The following HPSE2 variants were observed in gnomAD, a reference collection of about 807,000 sequenced individuals.
The protein encoded by HPSE2 is heparanase 2 (inactive).
In HPSE2, 38 loss-of-function variants were observed where a neutral mutation model predicts 60.5. The ratio of observed to expected loss-of-function variants is 0.63; its 90% CI spans 0.48 to 0.82. HPSE2 has a LOEUF of 0.82. Among genes scored for constraint, HPSE2 ranks in the 40% least tolerant of loss-of-function variants. The pLI is 0.00. For synonymous variants in HPSE2, 295 were observed against 293.2 expected, an observed-to-expected ratio of 1.01 and a Z score of -0.06; for missense variants, 713 against 740.4, an observed-to-expected ratio of 0.96 and a Z score of 0.43.
chr10:98,813,925 C>G (rs1951225351), intron 3 of HPSE2, among the ~76,000 whole-genome samples: 2 of 152,124 alleles, frequency 1.3e-5, no homozygotes, highest in South Asian at 4.1e-4. Context: ...AAAGAGACGA[C>G]TAATATGTAT....
At chr10:99,132,191 A>AAGAAAGAAAGAGAGAGAGAGAG (rs1845434293) in intron 3 of HPSE2, among the ~76,000 whole-genome samples, 1 of 71,876 alleles carries the variant, frequency 1.4e-5, no homozygotes, top group Non-Finnish European at 2.6e-5. Context: ...GAAAGAAAGA[A>AAGAAAGAAAGAGAGAGAGAGAG]AGAGAGAGAG....
chr10:98,466,864 A>T (rs1355912693), intron 11 of HPSE2, among the ~76,000 whole-genome samples: 1 of 152,176 alleles, frequency 6.6e-6, no homozygotes, highest in Non-Finnish European at 1.5e-5. Context: ...ACCTGTCTAA[A>T]TATTCAGTGG....
At chr10:99,314,493 G>GT in the HPSE2 span, among the ~76,000 whole-genome samples, 2 of 152,178 alleles carry the variant, frequency 1.3e-5, no homozygotes, top group South Asian at 2.1e-4. Flanking sequence ...TATGTCCACT[G>GT]TTTTTTTAAG....
intron 4 of HPSE2, among the ~76,000 whole-genome samples, chr10:98,734,888 T>TACACACACAC (rs140139802): frequency 3.0e-4 from 44 of 148,228 alleles, no homozygotes; most frequent in African/African-American, 6.5e-4. Flanking sequence ...ATTTGTCCCT[T>TACACACACAC]ACACACACAC....
intron 3 of HPSE2, among the ~76,000 whole-genome samples, chr10:99,120,136 C>T (rs1019340814): frequency 6.6e-6 from 1 of 152,088 alleles, no homozygotes; most frequent in African/African-American, 2.4e-5. Flanking sequence ...ACAGAAGAAA[C>T]TATTAACAGA....
chr10:98,803,823 A>G (rs1382969032), intron 3 of HPSE2, among the ~76,000 whole-genome samples: 2 of 151,644 alleles, frequency 1.3e-5, no homozygotes, highest in Non-Finnish European at 2.9e-5. Context: ...TTGGTTCCAT[A>G]TGAACTTTAA....
At chr10:99,055,791 T>C (rs1033494440) in intron 3 of HPSE2, among the ~76,000 whole-genome samples, 3 of 152,210 alleles carry the variant, frequency 2.0e-5, no homozygotes, top group East Asian at 3.9e-4. Context: ...AATAACATAA[T>C]GTATCAAAAT....
intron 3 of HPSE2, among the ~76,000 whole-genome samples, chr10:99,021,893 T>A (rs117147630): frequency 0.018 from 2,730 of 151,678 alleles, 103 homozygotes; most frequent in East Asian, 0.15. Flanking sequence ...TACCTGTTTT[T>A]TTATTATTAT....
At chr10:98,759,504 A>AGT (rs895344725) in intron 3 of HPSE2, among the ~76,000 whole-genome samples, 12 of 152,172 alleles carry the variant, frequency 7.9e-5, no homozygotes, top group South Asian at 4.1e-4. Flanking sequence ...TTCATTCCTC[A>AGT]GTGTGTGTAT....
At chr10:99,132,463 A>G (rs1038753966) in intron 3 of HPSE2, among the ~76,000 whole-genome samples, 2 of 152,152 alleles carry the variant, frequency 1.3e-5, no homozygotes, top group Non-Finnish European at 2.9e-5. Context: ...AGATGGCCGA[A>G]TAGGAGAAGC....
chr10:99,204,259 AG>A (rs1848670569), intron 2 of HPSE2, among the ~76,000 whole-genome samples: 1 of 152,182 alleles, frequency 6.6e-6, no homozygotes, highest in Non-Finnish European at 1.5e-5. Context: ...TCCAGGCTCC[AG>A]GTCCAACCCC....
chr10:98,841,624 T>C (rs560993979), intron 3 of HPSE2, among the ~76,000 whole-genome samples: 11 of 152,204 alleles, frequency 7.2e-5, no homozygotes, highest in Admixed American at 6.5e-4. Context: ...CCCAGAAATG[T>C]GGTTGTGAGT....
chr10:98,578,881 C>T (rs948199613), intron 9 of HPSE2, among the ~76,000 whole-genome samples: 1 of 152,120 alleles, frequency 6.6e-6, no homozygotes, highest in Non-Finnish European at 1.5e-5. Context: ...CTCAGTTACC[C>T]CTTAAAATTA....
At chr10:99,295,530 T>G in the HPSE2 span, among the ~76,000 whole-genome samples, 1 of 152,222 alleles carries the variant, frequency 6.6e-6, no homozygotes, top group South Asian at 2.1e-4. Flanking sequence ...AAGACTGAAT[T>G]AAAGATGTTT....
At chr10:98,658,871 T>C (rs1192848812) in intron 6 of HPSE2, among the ~76,000 whole-genome samples, 1 of 152,060 alleles carries the variant, frequency 6.6e-6, no homozygotes, top group Non-Finnish European at 1.5e-5. Context: ...ATTTACATCG[T>C]TGTGGTTTCT....
intron 2 of HPSE2, among the ~76,000 whole-genome samples, chr10:99,195,958 T>C (rs189374164): frequency 1.3e-5 from 2 of 152,238 alleles, no homozygotes; most frequent in Admixed American, 6.5e-5. Flanking sequence ...CTTCATATTA[T>C]ACTGCAGAGG....
the HPSE2 span, among the ~76,000 whole-genome samples, chr10:99,297,371 C>T: frequency 6.6e-6 from 1 of 152,234 alleles, no homozygotes; most frequent in Non-Finnish European, 1.5e-5. Context: ...GCCGTTTCCA[C>T]TCTGGTGAAG....
intron 3 of HPSE2, among the ~76,000 whole-genome samples, chr10:99,070,679 C>G (rs1029844489): frequency 1.3e-5 from 2 of 152,172 alleles, no homozygotes; most frequent in Admixed American, 6.5e-5. Context: ...GGCCCCCAGC[C>G]TTTGGCAGCC....
chr10:98,726,965 G>A (rs2099625108), intron 4 of HPSE2, among the ~76,000 whole-genome samples: 2 of 152,084 alleles, frequency 1.3e-5, no homozygotes, highest in South Asian at 4.1e-4. Flanking sequence ...GGCAAAAGGT[G>A]GAAGGCTTAC....
Sources: gnomAD v4.1 joint callset for allele counts (sites outside exome capture counted in the v4.1 genomes callset) on GRCh38, gnomAD v4.1.1 for gene constraint, MANE v1.5 for transcripts, NCBI Gene and HGNC (gene_info 2026-07-23, HGNC 2026-07-21) for gene names.